PHACTR3: variants seen among roughly 807,000 people sequenced by gnomAD.
PHACTR3 encodes the protein protein phosphatase 1, regulatory subunit 123.
PHACTR3 carries 16 observed loss-of-function variants against 66.8 expected under a neutral mutation model. The observed-to-expected ratio is 0.24, with a 90% confidence interval of 0.16 to 0.36. The LOEUF is 0.36. PHACTR3 is among the 10% of genes least tolerant of loss of function. The pLI is 1.00. For synonymous variants in PHACTR3, 323 were observed against 292.1 expected (o/e 1.11, Z -1.08); for missense variants, 647 against 719.9 (o/e 0.90, Z 1.16).
chr20:59,814,856 G>A (rs2041840944), intron 8 of PHACTR3, among the ~76,000 whole-genome samples: 2 of 152,268 alleles, frequency 1.3e-5, no homozygotes, highest in Admixed American at 1.3e-4. Flanking sequence ...TCTGAAGCCT[G>A]TGGGGCCTCC....
At chr20:59,624,363 T>C (rs143817503) in intron 1 of PHACTR3, among the ~76,000 whole-genome samples, 1,699 of 152,254 alleles carry the variant, frequency 0.011, 29 homozygotes, top group Admixed American at 0.045. Context: ...CTTTAGGGTA[T>C]ATGAGACTCG....
intron 1 of PHACTR3, among the ~76,000 whole-genome samples, chr20:59,585,184 T>A (rs2146304154): frequency 6.6e-6 from 1 of 152,232 alleles, no homozygotes; most frequent in East Asian, 1.9e-4. Flanking sequence ...GCTTTGGACA[T>A]CACAGTCCCA....
At chr20:59,821,524 C>T (rs1413621059) in intron 8 of PHACTR3, among the ~76,000 whole-genome samples, 2 of 152,166 alleles carry the variant, frequency 1.3e-5, no homozygotes, top group Admixed American at 1.3e-4. Context: ...GTTGGACCCT[C>T]CTCATGTGGC....
intron 3 of PHACTR3, among the ~76,000 whole-genome samples, chr20:59,752,644 T>C (rs779376963): frequency 4.2e-5 from 6 of 141,494 alleles, no homozygotes; most frequent in Non-Finnish European, 8.1e-5. Flanking sequence ...TTTCTGAGTC[T>C]GGAGACCTCT....
At chr20:59,846,534 C>T (rs922381033) in intron 12 of PHACTR3, among the ~76,000 whole-genome samples, 3 of 152,084 alleles carry the variant, frequency 2.0e-5, no homozygotes, top group Non-Finnish European at 4.4e-5. Flanking sequence ...AGAATGAATA[C>T]ATATTCTATA....
intron 1 of PHACTR3, among the ~76,000 whole-genome samples, chr20:59,668,278 G>A (rs528102012): frequency 3.1e-4 from 47 of 150,094 alleles, no homozygotes; most frequent in African/African-American, 1.0e-3. Context: ...AGGTGGGCAC[G>A]TACACCTGTA....
chr20:59,794,123 CAAA>C (rs71183186), intron 7 of PHACTR3, among the ~76,000 whole-genome samples: 1 of 97,856 alleles, frequency 1.0e-5, no homozygotes, highest in Non-Finnish European at 1.9e-5. Flanking sequence ...GACTCCATCT[CAAA>C]AAAAAAAAAA....
At chr20:59,786,666 T>A (rs1021565590) in intron 7 of PHACTR3, among the ~76,000 whole-genome samples, 2 of 152,182 alleles carry the variant, frequency 1.3e-5, no homozygotes, top group Admixed American at 6.5e-5. Flanking sequence ...TTGACGGGTG[T>A]CCATGGAGCG....
At chr20:59,727,727 A>C (rs1601202601) in intron 1 of PHACTR3, among the ~76,000 whole-genome samples, 1 of 152,162 alleles carries the variant, frequency 6.6e-6, no homozygotes, top group Non-Finnish European at 1.5e-5. Context: ...TGAAATTCGA[A>C]ACTTTTTTAG....
chr20:59,809,730 T>C (rs948762263), intron 8 of PHACTR3, among the ~76,000 whole-genome samples: 1 of 152,166 alleles, frequency 6.6e-6, no homozygotes, highest in South Asian at 2.1e-4. Context: ...GTCAGTACTT[T>C]GAGGTTTGTG....
At chr20:59,755,460 A>T in intron 4 of PHACTR3, 96 bp downstream of exon 4, 1 of 1,335,030 alleles carries the variant, frequency 7.5e-7, no homozygotes, top group South Asian at 1.4e-5. Context: ...CAGCCCTCGT[A>T]GAACATTGTT....
intron 1 of PHACTR3, among the ~76,000 whole-genome samples, chr20:59,695,978 C>T (rs552017103): frequency 6.6e-6 from 1 of 152,222 alleles, no homozygotes; most frequent in Non-Finnish European, 1.5e-5. Context: ...AGTGATCCAC[C>T]CACCTCTGCC....
At chr20:59,649,153 G>A (rs1192969888) in intron 1 of PHACTR3, among the ~76,000 whole-genome samples, 1 of 152,162 alleles carries the variant, frequency 6.6e-6, no homozygotes, top group African/African-American at 2.4e-5. Flanking sequence ...TATAAAAAAA[G>A]ACACTAATGA....
chr20:59,758,400 C>G (rs560494184), intron 4 of PHACTR3, among the ~76,000 whole-genome samples: 1 of 152,256 alleles, frequency 6.6e-6, no homozygotes, highest in Non-Finnish European at 1.5e-5. Context: ...TATAAATTCA[C>G]TTAAAGTAAA....
At chr20:59,793,117 G>A (rs2041153302) in intron 7 of PHACTR3, among the ~76,000 whole-genome samples, 1 of 151,974 alleles carries the variant, frequency 6.6e-6, no homozygotes. Flanking sequence ...TTGAACTCTT[G>A]AGCTCAAGCA....
In PHACTR3 at chr20:59,774,460, G is replaced by A. The variant is rs1257045002; in HGVS notation, c.1144G>A (p.Glu382Lys). 11 of 1,613,826 alleles carry A rather than the reference G, an allele frequency of 6.8e-6. No individual in the cohort carries two copies. The highest frequency in any genetic ancestry group is 2.2e-5 in the East Asian group (1 of 44,900). ...AGACGACTTGCTTTTGTATCAGGAC[G>A]AGGAGGCGCTGAACGACTCCATTAT... ...LKDDLLLYQDEEALNDSIISG... is the reference protein window; with the variant it reads ...LKDDLLLYQDKEALNDSIISG... The change falls in exon 7 of 13, where the codon GAG (glutamate) becomes AAG (lysine). Residue 382 changes from glutamate (E) to lysine (K), a missense_variant. Physicochemically the swap from Glu to Lys is moderately conservative, Grantham distance 56 (BLOSUM62 1). Coordinates refer to ENST00000371015, the MANE Select transcript of PHACTR3 (RefSeq NM_080672.5).
intron 1 of PHACTR3, among the ~76,000 whole-genome samples, chr20:59,644,719 C>T (rs1308157177): frequency 2.0e-5 from 3 of 152,230 alleles, no homozygotes; most frequent in Non-Finnish European, 1.5e-5. Context: ...ACAGGCTGCA[C>T]CTCCTGGGGG....
rs542168914 is a variant in PHACTR3 at position 59,831,696 on chromosome 20, G to A, written c.1329-4809G>A. Among the ~76,000 whole-genome samples, 44 of 152,228 alleles carry A rather than the reference G, an allele frequency of 2.9e-4. No individual in the cohort carries two copies. The South Asian group carries it at 6.4e-3, about 22-fold the overall frequency. On this transcript the variant is annotated intron_variant, in intron 8 of 12. Coordinates refer to ENST00000371015, the MANE Select transcript of PHACTR3 (RefSeq NM_080672.5). The stretch of plus-strand genomic sequence containing the variant: ...GCTATGCTCCGGCCACGTCTCTAGC[G>A]GCTCCTCGGAGAGCAACTTGATACT...
chr20:59,756,463 C>T (rs1216319680), intron 4 of PHACTR3, among the ~76,000 whole-genome samples: 2 of 152,164 alleles, frequency 1.3e-5, no homozygotes, highest in African/African-American at 4.8e-5. Flanking sequence ...GCAGGCCGCC[C>T]GTCCACAACG....
Sources: allele counts gnomAD v4.1 joint callset (sites outside exome capture counted in the v4.1 genomes callset), GRCh38; gene constraint gnomAD v4.1.1; transcripts MANE v1.5; gene names NCBI Gene and HGNC (gene_info 2026-07-23, HGNC 2026-07-21).